Variants in MOXD1 observed in about 807,000 individuals in gnomAD.
The protein encoded by MOXD1 is DBH-like monooxygenase protein 1.
In MOXD1, 62 loss-of-function variants were observed where a neutral mutation model predicts 66.6. The ratio of observed to expected loss-of-function variants is 0.93; its 90% CI spans 0.76 to 1.15. The LOEUF (loss-of-function observed/expected upper bound fraction) is 1.15, where lower values mean the gene tolerates loss of function less well. Ranked by LOEUF, MOXD1 falls within the 50% of genes most tolerant of loss-of-function variation. The pLI is 0.00. For synonymous variants in MOXD1, 303 were observed against 281.9 expected, an observed-to-expected ratio of 1.07 and a Z score of -0.75; for missense variants, 847 against 754.6, an observed-to-expected ratio of 1.12 and a Z score of -1.44.
At chr6:132,339,210 A>G (rs763080055) in intron 4 of MOXD1, among the ~76,000 whole-genome samples, 1 of 152,214 alleles carries the variant, frequency 6.6e-6, no homozygotes, top group Non-Finnish European at 1.5e-5. Context: ...TTTCTGAAAT[A>G]TGGCATCCCT....
At chr6:132,383,210 TATA>T (rs1776546172) in intron 1 of MOXD1, among the ~76,000 whole-genome samples, 1 of 152,200 alleles carries the variant, frequency 6.6e-6, no homozygotes. Context: ...ATATTGATAG[TATA>T]ATAATAAATA....
intron 9 of MOXD1, among the ~76,000 whole-genome samples, chr6:132,316,070 C>A (rs1216383362): frequency 6.6e-6 from 1 of 152,088 alleles, no homozygotes; most frequent in Non-Finnish European, 1.5e-5. Flanking sequence ...GTTTGGTTAG[C>A]ATAATACCAA....
At chr6:132,374,086 T>G (rs936081928) in intron 2 of MOXD1, among the ~76,000 whole-genome samples, 4 of 152,198 alleles carry the variant, frequency 2.6e-5, no homozygotes, top group Non-Finnish European at 5.9e-5. Flanking sequence ...TCTGAAGTAT[T>G]ACATATCTTC....
chr6:132,379,048 C>A (rs1251133940), intron 1 of MOXD1, among the ~76,000 whole-genome samples: 1 of 150,888 alleles, frequency 6.6e-6, no homozygotes, highest in African/African-American at 2.4e-5. Flanking sequence ...TACTTTGTTA[C>A]CAAAATTAAA....
chr6:132,386,747 T>G (rs1042280705), intron 1 of MOXD1, among the ~76,000 whole-genome samples: 5 of 151,508 alleles, frequency 3.3e-5, no homozygotes, highest in African/African-American at 1.2e-4. Context: ...ACACAGTATT[T>G]AATACTTCCA....
At chr6:132,397,645 AGAAAGAAAG>A (rs1776919786) in intron 1 of MOXD1, among the ~76,000 whole-genome samples, 1 of 69,702 alleles carries the variant, frequency 1.4e-5, no homozygotes, top group Admixed American at 1.6e-4. Flanking sequence ...ACAGAAAGAA[AGAAAGAAAG>A]AAAGAAAGAA....
intron 1 of MOXD1, among the ~76,000 whole-genome samples, chr6:132,378,301 C>T (rs568348230): frequency 2.6e-5 from 4 of 152,208 alleles, no homozygotes; most frequent in African/African-American, 7.2e-5. Flanking sequence ...TAATCTCTTG[C>T]TATTTTCTGA....
intron 10 of MOXD1, among the ~76,000 whole-genome samples, chr6:132,305,018 G>A (rs923923759): frequency 3.3e-5 from 5 of 152,174 alleles, no homozygotes; most frequent in African/African-American, 9.7e-5. Context: ...GGGCAGGGTC[G>A]ATCAGCACCG....
At chr6:132,338,308 T>A (rs1323321586) in intron 4 of MOXD1, among the ~76,000 whole-genome samples, 1 of 152,178 alleles carries the variant, frequency 6.6e-6, no homozygotes, top group African/African-American at 2.4e-5. Context: ...ACACTTCAGA[T>A]CCCTGGAGCC....
intron 1 of MOXD1, among the ~76,000 whole-genome samples, chr6:132,399,929 T>C (rs1054559844): frequency 1.3e-5 from 2 of 152,264 alleles, no homozygotes; most frequent in African/African-American, 4.8e-5. Context: ...AGAATATTTA[T>C]ACATCAGTGA....
intron 10 of MOXD1, among the ~76,000 whole-genome samples, chr6:132,306,445 A>T (rs914405321): frequency 6.6e-6 from 1 of 152,208 alleles, no homozygotes; most frequent in African/African-American, 2.4e-5. Flanking sequence ...ATGCTTCGGG[A>T]TATTATCCGG....
At chr6:132,319,346 A>C (rs1008090885) in intron 9 of MOXD1, among the ~76,000 whole-genome samples, 1 of 151,932 alleles carries the variant, frequency 6.6e-6, no homozygotes, top group Non-Finnish European at 1.5e-5. Context: ...ATATGAATAG[A>C]AGTATTTTCT....
intron 10 of MOXD1, among the ~76,000 whole-genome samples, chr6:132,301,722 A>C (rs1215678734): frequency 6.6e-6 from 1 of 152,170 alleles, no homozygotes; most frequent in Non-Finnish European, 1.5e-5. Flanking sequence ...AAAAGGAACA[A>C]AAATTCATTA....
chr6:132,309,719 CA>C (rs1183425811), intron 10 of MOXD1, among the ~76,000 whole-genome samples: 3 of 152,048 alleles, frequency 2.0e-5, no homozygotes, highest in African/African-American at 7.2e-5. Context: ...CATCTACAAC[CA>C]TTAACAAACT....
At position 132,374,479 on chromosome 6, in the gene MOXD1, A is replaced by T; in HGVS notation, c.411+152T>A. Reference sequence around the variant, plus strand: ...TTTGGCTTCTAAAAAAGTAAAAAAGAAAAAACTAAAAAAAAAACTAAAAAA... The same window carrying T: ...TTTGGCTTCTAAAAAAGTAAAAAAGTAAAAACTAAAAAAAAAACTAAAAAA... On this transcript the variant is annotated intron_variant, in intron 2 of 11. Coordinates refer to ENST00000367963, the MANE Select transcript of MOXD1 (RefSeq NM_015529.4). The T allele has an allele frequency of 1.6e-5, 9 of 577,662 alleles. 1 individual carries two copies. In the East Asian group the frequency reaches 1.6e-4, roughly 10 times the overall value. 35.8% of individuals were successfully genotyped at this position (577,662 alleles called of 1,614,324 possible). A position where few individuals can be genotyped will look rare whatever the true frequency, so the allele number is the denominator to read the frequency against.
rs920202302 is a variant in MOXD1, at chr6:132,319,765, T to C, written c.1365+864A>G. 9.9e-5 allele frequency among the ~76,000 whole-genome samples: 15 copies of C among 152,138 alleles called. No homozygotes were observed. The East Asian group carries it at 1.5e-3, about 16-fold the overall frequency. On this transcript the variant is annotated intron_variant, in intron 9 of 11. Coordinates refer to ENST00000367963, the MANE Select transcript of MOXD1 (RefSeq NM_015529.4). ...AAACGGTATTTCATTTAATTTAATATTTGCTATAGCTTTTTCATAGCTAAC... is the reference window on the plus strand; with the variant it reads ...AAACGGTATTTCATTTAATTTAATACTTGCTATAGCTTTTTCATAGCTAAC...
intron 10 of MOXD1, among the ~76,000 whole-genome samples, chr6:132,298,418 G>A (rs933931365): frequency 6.6e-6 from 1 of 152,122 alleles, no homozygotes; most frequent in Non-Finnish European, 1.5e-5. Context: ...TAACTGGTAA[G>A]CATTCATTTC....
chr6:132,340,807 C>T (rs562876573), intron 4 of MOXD1, among the ~76,000 whole-genome samples: 4 of 151,976 alleles, frequency 2.6e-5, no homozygotes, highest in Middle Eastern at 3.4e-3. Flanking sequence ...CCACCGCGCC[C>T]GGCTAATTTT....
intron 1 of MOXD1, among the ~76,000 whole-genome samples, chr6:132,382,042 TA>T (rs1274630965): frequency 6.6e-6 from 1 of 152,026 alleles, no homozygotes; most frequent in East Asian, 1.9e-4. Flanking sequence ...ATTTGAAAAA[TA>T]AAAATAGAAA....
Sources: gnomAD v4.1 joint callset for allele counts (sites outside exome capture counted in the v4.1 genomes callset) on GRCh38, gnomAD v4.1.1 for gene constraint, MANE v1.5 for transcripts, NCBI Gene and HGNC (gene_info 2026-07-23, HGNC 2026-07-21) for gene names.